The following JARID2 variants were observed in gnomAD, a reference collection of about 807,000 sequenced individuals.
The protein encoded by JARID2 is jumonji and AT-rich interaction domain containing 2.
A neutral mutation model predicts 125.6 loss-of-function variants in JARID2; 21 were observed. The ratio of observed to expected loss-of-function variants is 0.17; its 90% CI spans 0.12 to 0.24. The LOEUF (loss-of-function observed/expected upper bound fraction) is 0.24, where lower values mean the gene tolerates loss of function less well. Ranked by LOEUF, JARID2 falls within the 10% of genes least tolerant of loss-of-function variation. The pLI is 1.00. For missense variants in JARID2, 1,303 were observed against 1,639.6 expected, an observed-to-expected ratio of 0.79 and a Z score of 3.55; for synonymous variants, 736 against 661.6, an observed-to-expected ratio of 1.11 and a Z score of -1.73.
At chr6:15,264,653 G>T (rs993679206) in intron 1 of JARID2, among the ~76,000 whole-genome samples, 3 of 147,832 alleles carry the variant, frequency 2.0e-5, no homozygotes, top group Non-Finnish European at 3.0e-5. Context: ...GAGAGAGAGA[G>T]ATAGAGAGAG....
At chr6:15,404,600 T>C (rs1310548421) in intron 2 of JARID2, among the ~76,000 whole-genome samples, 2 of 151,818 alleles carry the variant, frequency 1.3e-5, no homozygotes, top group African/African-American at 4.8e-5. Flanking sequence ...ATGAAAGCTG[T>C]CTTTGGATGC....
intron 4 of JARID2, among the ~76,000 whole-genome samples, chr6:15,457,449 C>T (rs2127653214): frequency 6.6e-6 from 1 of 152,260 alleles, no homozygotes; most frequent in Non-Finnish European, 1.5e-5. Flanking sequence ...TCAGTCAGCC[C>T]ATCACCCTTG....
At chr6:15,264,640 T>TGTGTGTGTGTGA (rs1554116824) in intron 1 of JARID2, among the ~76,000 whole-genome samples, 1 of 150,294 alleles carries the variant, frequency 6.7e-6, no homozygotes, top group African/African-American at 2.4e-5. Context: ...TGTGTGTGTG[T>TGTGTGTGTGTGA]GAGAGAGAGA....
chr6:15,418,527 T>C (rs1182604721), intron 3 of JARID2, among the ~76,000 whole-genome samples: 2 of 152,214 alleles, frequency 1.3e-5, no homozygotes, highest in African/African-American at 2.4e-5. Context: ...CTATATTCTT[T>C]AGAAGGGTAT....
chr6:15,401,772 G>A (rs1374769829), intron 2 of JARID2, among the ~76,000 whole-genome samples: 1 of 152,082 alleles, frequency 6.6e-6, no homozygotes, highest in Non-Finnish European at 1.5e-5. Context: ...TCAAATCTTA[G>A]CAGATTCCAT....
intron 1 of JARID2, among the ~76,000 whole-genome samples, chr6:15,261,863 G>A (rs995721614): frequency 3.5e-5 from 5 of 142,796 alleles, no homozygotes; most frequent in African/African-American, 7.9e-5. Context: ...GGCTCACCAC[G>A]ACCTCCACCT....
chr6:15,334,934 T>C (rs1210520668), intron 1 of JARID2, among the ~76,000 whole-genome samples: 3 of 152,190 alleles, frequency 2.0e-5, no homozygotes, highest in Non-Finnish European at 4.4e-5. Context: ...ATTAAACCAG[T>C]GGGGTATATT....
chr6:15,308,172 A>C (rs1271540740), intron 1 of JARID2, among the ~76,000 whole-genome samples: 4 of 152,168 alleles, frequency 2.6e-5, no homozygotes, highest in Non-Finnish European at 5.9e-5. Context: ...TATACTAGTG[A>C]ATTTTGTTTA....
At chr6:15,284,152 A>G (rs984264966) in intron 1 of JARID2, among the ~76,000 whole-genome samples, 7 of 152,162 alleles carry the variant, frequency 4.6e-5, no homozygotes, top group Admixed American at 3.9e-4. Flanking sequence ...CTGAGAAATT[A>G]TCTTTCTTTT....
At chr6:15,290,965 G>C (rs1038504762) in intron 1 of JARID2, among the ~76,000 whole-genome samples, 1 of 149,090 alleles carries the variant, frequency 6.7e-6, no homozygotes, top group East Asian at 2.0e-4. Context: ...ACGAGGCCAG[G>C]TGCTGTGTGT....
chr6:15,378,795 T>C (rs1424275131), intron 2 of JARID2, among the ~76,000 whole-genome samples: 1 of 152,206 alleles, frequency 6.6e-6, no homozygotes, highest in Non-Finnish European at 1.5e-5. Context: ...ATTGGAGGCT[T>C]TCCTGGGAAA....
chr6:15,295,507 G>T (rs1761381240), intron 1 of JARID2, among the ~76,000 whole-genome samples: 1 of 152,086 alleles, frequency 6.6e-6, no homozygotes, highest in African/African-American at 2.4e-5. Flanking sequence ...GGAAAACAGT[G>T]GTTCAGCATT....
chr6:15,508,206 T>A, intron 11 of JARID2, 134 bp from the exon 12 acceptor site: 1 of 629,538 alleles, frequency 1.6e-6, no homozygotes, highest in Non-Finnish European at 2.9e-6. Context: ...TTCTGCTCAC[T>A]GTCTTTTGTC....
rs5874512 is a variant in JARID2 at position 15,444,735 on chromosome 6, ATTT to A, written c.324-7251_324-7249del. ...GCATTTGCCAGACACGAACTGTCTG[ATTT>A]TTTTTTTTTTTTTTTTTTTGAATGA... On this transcript the variant is annotated intron_variant, in intron 3 of 17. Coordinates refer to ENST00000341776, the MANE Select transcript of JARID2 (RefSeq NM_004973.4). Among the ~76,000 whole-genome samples the A allele has an allele frequency of 5.7e-3, 520 of 91,920 alleles. 6 individuals are homozygous for A. The highest frequency in any genetic ancestry group is 0.019 in the African/African-American group (423 of 22,436). The allele number at this position is 91,920 out of a possible 152,430, so 60.3% of individuals were successfully genotyped here. A position where few individuals can be genotyped will look rare whatever the true frequency, so the allele number is the denominator to read the frequency against.
At chr6:15,302,654 A>G (rs1761674491) in intron 1 of JARID2, among the ~76,000 whole-genome samples, 1 of 152,222 alleles carries the variant, frequency 6.6e-6, no homozygotes. Context: ...TGCCTAGGAT[A>G]GCCAACCTTA....
At position 15,496,655 on chromosome 6, in the gene JARID2, A is replaced by G. The variant is rs1330588899; in HGVS notation, c.1430A>G (p.Glu477Gly). 3.1e-6 allele frequency: 5 copies of G among 1,612,488 alleles called. No homozygotes were observed. The highest frequency in any genetic ancestry group is 1.7e-5 in the Admixed American group (1 of 59,984). ...AEGPGKKAPA[E>G]RGLLNGHVKK... ...GGCCCTGGCAAGAAGGCCCCGGCCGAGAGAGGTCTGCTGAACGGACACGTG... is the reference window on the plus strand; with the variant it reads ...GGCCCTGGCAAGAAGGCCCCGGCCGGGAGAGGTCTGCTGAACGGACACGTG... The change falls in exon 7 of 18, where the codon GAG (glutamate) becomes GGG (glycine). Residue 477 changes from glutamate to glycine, a missense_variant. By Grantham distance (98) the Glu-to-Gly change is moderately conservative. This residue lies in a region of JARID2 where 651 missense variants were observed against 581.6 expected (regional missense o/e 1.12). Coordinates refer to ENST00000341776, the MANE Select transcript of JARID2 (RefSeq NM_004973.4).
At chr6:15,332,227 T>C (rs767704949) in intron 1 of JARID2, among the ~76,000 whole-genome samples, 2 of 152,238 alleles carry the variant, frequency 1.3e-5, no homozygotes, top group African/African-American at 2.4e-5. Context: ...TTACAGGGCA[T>C]GTCAAATGGT....
At chr6:15,500,664 C>T (rs998888239) in intron 7 of JARID2, among the ~76,000 whole-genome samples, 19 of 152,138 alleles carry the variant, frequency 1.2e-4, no homozygotes, top group East Asian at 1.9e-4. Context: ...CCTCCTCAGA[C>T]GCTCCCCACC....
At chr6:15,486,698 TC>T in intron 5 of JARID2, among the ~76,000 whole-genome samples, 1 of 152,316 alleles carries the variant, frequency 6.6e-6, no homozygotes, top group East Asian at 1.9e-4. Context: ...ATCCCTTTCT[TC>T]ATCTCTGTTG....
Sources: gnomAD v4.1 joint callset for allele counts (sites outside exome capture counted in the v4.1 genomes callset) on GRCh38, gnomAD v4.1.1 for gene constraint, gnomAD v4.1.1 regional missense constraint, MANE v1.5 for transcripts, NCBI Gene and HGNC (gene_info 2026-07-23, HGNC 2026-07-21) for gene names.